Variants in KAT14 observed in about 807,000 individuals in gnomAD.
The protein encoded by KAT14 is cysteine-rich protein 2-binding protein.
KAT14 carries 66 observed loss-of-function variants against 78.4 expected under a neutral mutation model. The observed-to-expected ratio is 0.84, with a 90% confidence interval of 0.69 to 1.03. The LOEUF (loss-of-function observed/expected upper bound fraction) is 1.03. Ranked by LOEUF, KAT14 falls within the 50% of genes least tolerant of loss-of-function variation. The pLI is 0.00. For synonymous variants in KAT14, 344 were observed against 359.4 expected (o/e 0.96, Z 0.48); for missense variants, 870 against 972.5 (o/e 0.89, Z 1.40).
intron 1 of KAT14, among the ~76,000 whole-genome samples, chr20:18,141,023 A>ATTTTTTTTTTTTTTTTTT (rs67633205): frequency 9.6e-4 from 47 of 48,740 alleles, no homozygotes; most frequent in East Asian, 1.6e-3. Context: ...ACTCCCTGCA[A>ATTTTTTTTTTTTTTTTTT]TTTTTTTTTT....
At chr20:18,182,177 A>G (rs2039282756) in intron 8 of KAT14, among the ~76,000 whole-genome samples, 5 of 151,222 alleles carry the variant, frequency 3.3e-5, no homozygotes. Context: ...GCTGGGCTGC[A>G]GTGGTGCAAT....
At chr20:18,161,312 C>T (rs1360942101) in intron 5 of KAT14, among the ~76,000 whole-genome samples, 1 of 152,104 alleles carries the variant, frequency 6.6e-6, no homozygotes, top group Non-Finnish European at 1.5e-5. Context: ...ACCTCAGCCT[C>T]CCAAAGTTCT....
intron 1 of KAT14, among the ~76,000 whole-genome samples, chr20:18,140,972 C>T (rs1185437200): frequency 6.7e-6 from 1 of 148,676 alleles, no homozygotes; most frequent in African/African-American, 2.5e-5. Context: ...ATCCTATCAC[C>T]TCAGCCTCCG....
intron 3 of KAT14, 44 bp from the exon 4 acceptor site, chr20:18,150,777 C>T (rs1471486272): frequency 1.9e-6 from 3 of 1,612,126 alleles, no homozygotes; most frequent in Admixed American, 1.7e-5. Context: ...ATTAACATCC[C>T]TAACCGTGCT....
intron 9 of KAT14, 91 bp from the exon 10 acceptor site, chr20:18,184,511 A>T (rs1266161387): frequency 9.8e-6 from 9 of 917,294 alleles, no homozygotes; most frequent in South Asian, 4.5e-5. Context: ...TTTAGCATGC[A>T]GGTGTAGCTA....
At chr20:18,184,195 A>G (rs1302720407) in intron 9 of KAT14, among the ~76,000 whole-genome samples, 1 of 152,240 alleles carries the variant, frequency 6.6e-6, no homozygotes, top group Non-Finnish European at 1.5e-5. Flanking sequence ...AGGATGTGAT[A>G]GAACACGCTC....
intron 7 of KAT14, among the ~76,000 whole-genome samples, chr20:18,166,339 G>A (rs969731192): frequency 1.3e-5 from 2 of 152,194 alleles, no homozygotes; most frequent in Non-Finnish European, 2.9e-5. Flanking sequence ...AAATAGGTAA[G>A]TGCAGGGAAG....
At chr20:18,159,367 C>A in intron 5 of KAT14, 102 bp downstream of exon 5, 1 of 1,313,896 alleles carries the variant, frequency 7.6e-7, no homozygotes, top group Non-Finnish European at 1.0e-6. Flanking sequence ...GCTCGCAGGC[C>A]TCTCTGGAGC....
intron 8 of KAT14, 146 bp from the exon 9 acceptor site, chr20:18,182,977 G>A: frequency 8.6e-7 from 1 of 1,166,404 alleles, no homozygotes; most frequent in Non-Finnish European, 1.2e-6. Flanking sequence ...TAAAAGTATA[G>A]CTGTAATCAA....
At chr20:18,145,474 A>G (rs2146352433) in intron 3 of KAT14, 123 bp downstream of exon 3, 1 of 1,344,014 alleles carries the variant, frequency 7.4e-7, no homozygotes, top group African/African-American at 1.5e-5. Context: ...TTATTTCGCA[A>G]TGAAATTAGA....
chr20:18,179,381 G>A lies in KAT14; in HGVS notation c.1669-2329G>A, dbSNP rs149287637. ...GCCCTAGCAGAGATTATCCATGAGG[G>A]CCCTGCCCTGACAGCAAACTTTTGC... On this transcript the variant is annotated intron_variant, in intron 7 of 10. Coordinates refer to ENST00000688188, the MANE Select transcript of KAT14 (RefSeq NM_001392073.1). 7.1e-3 allele frequency among the ~76,000 whole-genome samples: 1,085 copies of A among 152,310 alleles called. 8 individuals are homozygous for A. The highest frequency in any genetic ancestry group is 9.3e-3 in the South Asian group (45 of 4,828).
intron 1 of KAT14, among the ~76,000 whole-genome samples, chr20:18,141,760 T>C (rs1258215486): frequency 1.3e-5 from 2 of 152,146 alleles, no homozygotes; most frequent in Admixed American, 6.5e-5. Flanking sequence ...GATGCACGCC[T>C]GTAGTCTCAG....
chr20:18,147,844 C>G (rs892736602), intron 3 of KAT14, among the ~76,000 whole-genome samples: 3 of 152,192 alleles, frequency 2.0e-5, no homozygotes, highest in African/African-American at 7.2e-5. Context: ...CCTCGGCATC[C>G]CAAAGTGCTG....
chr20:18,174,746 C>T (rs1476643745), intron 7 of KAT14, among the ~76,000 whole-genome samples: 1 of 151,562 alleles, frequency 6.6e-6, no homozygotes, highest in Non-Finnish European at 1.5e-5. Context: ...TCACTGCAAC[C>T]TCTGCCTCCT....
At chr20:18,138,127 C>T (rs2037366849) in intron 1 of KAT14, 76 bp downstream of exon 1, 11 of 1,386,392 alleles carry the variant, frequency 7.9e-6, no homozygotes, top group Non-Finnish European at 9.3e-6. Flanking sequence ...TCTCTGCCCG[C>T]TCGGTTCCTC....
rs376200836 is a variant in KAT14 at position 18,142,634 on chromosome 20, C to T, written c.-27C>T. The T allele has an allele frequency of 6.2e-7, 1 of 1,613,090 alleles. No individual in the cohort carries two copies. The highest frequency in any genetic ancestry group is 1.3e-5 in the African/African-American group (1 of 75,038). ...AGTGCTTAGGGTTGTTACTGAGAAG[C>T]ACTGCCGAGCTTGTGAGAAGGAAGG... On this transcript the variant is annotated 5_prime_UTR_variant, in exon 2 of 11. Coordinates refer to ENST00000688188, the MANE Select transcript of KAT14 (RefSeq NM_001392073.1).
intron 2 of KAT14, chr20:18,143,319 A>G (rs1464588941): frequency 1.6e-5 from 6 of 369,984 alleles, no homozygotes; most frequent in African/African-American, 2.4e-5. Context: ...CTGCTATTGT[A>G]TACTGAAAAG....
chr20:18,182,346 T>C (rs776931502), intron 8 of KAT14, among the ~76,000 whole-genome samples: 1 of 152,160 alleles, frequency 6.6e-6, no homozygotes, highest in Non-Finnish European at 1.5e-5. Context: ...GGTCTTGAAC[T>C]CCTGACCTCA....
intron 7 of KAT14, among the ~76,000 whole-genome samples, chr20:18,166,591 CTT>C (rs1490867280): frequency 6.6e-6 from 1 of 152,174 alleles, no homozygotes; most frequent in Non-Finnish European, 1.5e-5. Context: ...GAAGAGGAAA[CTT>C]TTTACTTTCT....
Sources: allele counts gnomAD v4.1 joint callset (sites outside exome capture counted in the v4.1 genomes callset), GRCh38; gene constraint gnomAD v4.1.1; transcripts MANE v1.5; gene names NCBI Gene and HGNC (gene_info 2026-07-23, HGNC 2026-07-21).